The following DDAH1 variants were observed in gnomAD, a reference collection of about 807,000 sequenced individuals.
DDAH1 encodes dimethylarginine dimethylaminohydrolase 1.
A neutral mutation model predicts 28.8 loss-of-function variants in DDAH1; 19 were observed. The observed-to-expected ratio is 0.66, with a 90% CI of 0.46 to 0.97. DDAH1 has a LOEUF of 0.97. DDAH1 is among the 50% of genes least tolerant of loss of function. The pLI is 0.00. For synonymous variants in DDAH1, 153 were observed against 154.4 expected (o/e 0.99, Z 0.07); for missense variants, 326 against 375.9 (o/e 0.87, Z 1.10).
At chr1:85,360,897 T>C (rs1049607679) in intron 1 of DDAH1, among the ~76,000 whole-genome samples, 1 of 152,198 alleles carries the variant, frequency 6.6e-6, no homozygotes, top group African/African-American at 2.4e-5. Flanking sequence ...AACTAGCTCT[T>C]GTGCAGGGGC....
chr1:85,495,768 A>C (rs994028914), intron 2 of DDAH1: 2 of 152,222 alleles, frequency 1.3e-5, no homozygotes, highest in Non-Finnish European at 1.5e-5. Flanking sequence ...GACTGGAGAG[A>C]CACTCCCAGC....
intron 2 of DDAH1, among the ~76,000 whole-genome samples, chr1:85,486,095 C>T (rs1656195493): frequency 6.6e-6 from 1 of 152,162 alleles, no homozygotes; most frequent in Non-Finnish European, 1.5e-5. Context: ...TGCTCTCTTG[C>T]AAGCAAATGC....
intron 1 of DDAH1, among the ~76,000 whole-genome samples, chr1:85,420,257 G>A (rs566296512): frequency 1.3e-5 from 2 of 152,280 alleles, no homozygotes; most frequent in South Asian, 4.1e-4. Context: ...CCACTGTCTT[G>A]GCTACCAGCA....
At chr1:85,523,295 T>C (rs1371592926) in intron 1 of DDAH1, among the ~76,000 whole-genome samples, 1 of 152,054 alleles carries the variant, frequency 6.6e-6, no homozygotes, top group Admixed American at 6.6e-5. Flanking sequence ...CAGAAGTAAG[T>C]CTGAGTCTCT....
At chr1:85,508,314 G>T (rs958035761) in intron 1 of DDAH1, among the ~76,000 whole-genome samples, 1 of 152,220 alleles carries the variant, frequency 6.6e-6, no homozygotes, top group Non-Finnish European at 1.5e-5. Flanking sequence ...TCAAGTAGAT[G>T]ATATAAAATT....
intron 1 of DDAH1, among the ~76,000 whole-genome samples, chr1:85,392,122 CA>C (rs1246257367): frequency 6.6e-6 from 1 of 151,994 alleles, no homozygotes; most frequent in African/African-American, 2.4e-5. Flanking sequence ...GCTTAAGCAA[CA>C]AAAATGTATT....
At chr1:85,414,199 T>C (rs1259478798) in intron 1 of DDAH1, among the ~76,000 whole-genome samples, 1 of 151,546 alleles carries the variant, frequency 6.6e-6, no homozygotes, top group African/African-American at 2.4e-5. Flanking sequence ...TATAGGGCTA[T>C]AGCTCACAAC....
At chr1:85,468,457 G>A (rs1655460754), upstream of DDAH1, among the ~76,000 whole-genome samples, 5 of 151,800 alleles carry the variant, frequency 3.3e-5, no homozygotes, top group African/African-American at 1.2e-4. Context: ...GGCAGAAGAC[G>A]AAAGAAGAGC....
chr1:85,550,703 T>C (rs902358398), intron 1 of DDAH1, among the ~76,000 whole-genome samples: 1 of 152,086 alleles, frequency 6.6e-6, no homozygotes, highest in Non-Finnish European at 1.5e-5. Context: ...TTACAGACCA[T>C]TGTTTAATAA....
At chr1:85,353,055 T>C (rs1039649773) in intron 2 of DDAH1, among the ~76,000 whole-genome samples, 3 of 152,182 alleles carry the variant, frequency 2.0e-5, no homozygotes, top group Non-Finnish European at 2.9e-5. Context: ...ACATTCCATA[T>C]ATTTGAAATC....
At chr1:85,481,310 C>A (rs1259748651) in intron 2 of DDAH1, among the ~76,000 whole-genome samples, 1 of 151,982 alleles carries the variant, frequency 6.6e-6, no homozygotes, top group African/African-American at 2.4e-5. Context: ...GTTGACCAGG[C>A]TGGTCTCGAA....
intron 1 of DDAH1, among the ~76,000 whole-genome samples, chr1:85,565,150 C>T (rs562026219): frequency 2.4e-4 from 37 of 151,938 alleles, no homozygotes; most frequent in Middle Eastern, 3.4e-3. Context: ...TGCAGTGAGC[C>T]GAGATTGTGC....
intron 1 of DDAH1, among the ~76,000 whole-genome samples, chr1:85,444,672 C>T (rs770248472): frequency 2.0e-5 from 3 of 152,086 alleles, no homozygotes; most frequent in Non-Finnish European, 4.4e-5. Flanking sequence ...ATTCACTGAG[C>T]GCCTACTGTG....
chr1:85,514,527 TAAA>T lies in DDAH1; in HGVS notation c.-122-18249_-122-18247del, dbSNP rs34215001. 2.8e-4 allele frequency among the ~76,000 whole-genome samples: 36 copies of T among 126,730 alleles called. 1 individual carries two copies. The highest frequency in any genetic ancestry group is 3.9e-4 in the Admixed American group (5 of 12,910). 83.1% of individuals were successfully genotyped at this position (126,730 alleles called of 152,430 possible). The stretch of plus-strand genomic sequence containing the variant: ...ACATGTACCCTAGAACTTAAAGCAT[TAAA>T]AAAAAAAAAAAAGGCAAGGTAAATG... On this transcript the variant is annotated intron_variant, in intron 1 of 6. Transcript: ENST00000426972.
At chr1:85,472,875 C>T (rs762493315) in intron 2 of DDAH1, among the ~76,000 whole-genome samples, 47 of 152,196 alleles carry the variant, frequency 3.1e-4, no homozygotes, top group Non-Finnish European at 4.0e-4. Flanking sequence ...ACCTCCCCTC[C>T]TGTCTCTTTT....
intron 2 of DDAH1, chr1:85,494,997 C>T (rs1314045226): frequency 1.3e-5 from 2 of 152,212 alleles, no homozygotes; most frequent in Non-Finnish European, 2.9e-5. Context: ...CCCACATTTC[C>T]CATACAATGT....
rs1661199252 is a variant in DDAH1, at chr1:85,318,562, G to A, written c.*2890C>T. ...TGAGACATCAAGAGACTAAAAATCA[G>A]TGCAGAACTTCTCTGAACTAAAGGG... On this transcript the variant is annotated 3_prime_UTR_variant, in exon 6 of 6. Transcript: ENST00000284031. The A allele has an allele frequency of 6.6e-6, 1 of 152,624 alleles. No individual in the cohort carries two copies. Among genetic ancestry groups the A allele is most frequent in the African/African-American group, 2.4e-5 (1 of 41,446 alleles). The allele number at this position is 152,624 out of a possible 1,614,324, so 9.5% of individuals were successfully genotyped here. A position where few individuals can be genotyped will look rare whatever the true frequency, so the allele number is the denominator to read the frequency against.
At chr1:85,382,485 C>T (rs139113013) in intron 1 of DDAH1, among the ~76,000 whole-genome samples, 6 of 152,206 alleles carry the variant, frequency 3.9e-5, no homozygotes, top group East Asian at 1.9e-4. Context: ...CAAGGTGAAG[C>T]GATAAGTGCT....
At chr1:85,423,086 G>C (rs1206553063) in intron 1 of DDAH1, among the ~76,000 whole-genome samples, 3 of 152,196 alleles carry the variant, frequency 2.0e-5, no homozygotes, top group Non-Finnish European at 4.4e-5. Flanking sequence ...GCCTATACTT[G>C]TGTGGGTCTA....
Sources: allele counts gnomAD v4.1 joint callset (sites outside exome capture counted in the v4.1 genomes callset), GRCh38; gene constraint gnomAD v4.1.1; transcripts MANE v1.5; gene names NCBI Gene and HGNC (gene_info 2026-07-23, HGNC 2026-07-21).